Variants in NFATC3 observed in about 807,000 individuals in gnomAD.
The protein encoded by NFATC3 is nuclear factor of activated T-cells, cytoplasmic 3.
In NFATC3, 46 loss-of-function variants were observed where a neutral mutation model predicts 98.6. The observed-to-expected ratio is 0.47, with a 90% CI of 0.37 to 0.60. NFATC3 has a LOEUF of 0.60. NFATC3 is among the 20% of genes least tolerant of loss of function. The pLI is 0.00. For synonymous variants in NFATC3, 512 were observed against 472.2 expected, an observed-to-expected ratio of 1.08 and a Z score of -1.09; for missense variants, 1,256 against 1,295.5, an observed-to-expected ratio of 0.97 and a Z score of 0.47.
chr16:68,085,663 A>C lies in NFATC3; in HGVS notation c.-19A>C. On this transcript the variant is annotated 5_prime_UTR_variant, in exon 1 of 10. Transcript: ENST00000346183. ...CCGCCGCCGCCTGAGGAGGAGCTGC[A>C]GCACCCTGGGCCACGCCGATGACTA... The C allele has an allele frequency of 6.7e-7, 1 of 1,500,490 alleles. No individual in the cohort carries two copies. The highest frequency in any genetic ancestry group is 2.9e-5 in the East Asian group (1 of 34,594). 92.9% of individuals were successfully genotyped at this position (1,500,490 alleles called of 1,614,324 possible).
In NFATC3 at chr16:68,124,669, G is replaced by A. The variant is rs1343043652; in HGVS notation, c.1238+1548G>A. Reference sequence around the variant, plus strand: ...AGGATGGTCTCCATCTCCTGACCTCGTGATCCTCCCACCTCGGCCTCCCAA... The same window carrying A: ...AGGATGGTCTCCATCTCCTGACCTCATGATCCTCCCACCTCGGCCTCCCAA... On this transcript the variant is annotated intron_variant, in intron 2 of 9. Coordinates refer to ENST00000346183, the MANE Select transcript of NFATC3 (RefSeq NM_173165.3). 4.0e-5 allele frequency among the ~76,000 whole-genome samples: 6 copies of A among 151,604 alleles called. No homozygotes were observed. The East Asian group carries it at 5.8e-4, about 15-fold the overall frequency.
intron 9 of NFATC3, among the ~76,000 whole-genome samples, chr16:68,217,025 G>T (rs192123297): frequency 3.9e-4 from 60 of 152,252 alleles, no homozygotes; most frequent in Non-Finnish European, 7.5e-4. Context: ...AATCGTGCAT[G>T]TATTTTTAAT....
intron 9 of NFATC3, among the ~76,000 whole-genome samples, chr16:68,222,289 C>CAAAAAAAAAAAAAA (rs58981935): frequency 3.8e-4 from 10 of 26,416 alleles, no homozygotes; most frequent in Admixed American, 1.1e-3. Flanking sequence ...ACCCCATTGC[C>CAAAAAAAAAAAAAA]AAAAAAAAAA....
At chr16:68,095,152 G>A (rs1052936175) in intron 1 of NFATC3, among the ~76,000 whole-genome samples, 1 of 151,974 alleles carries the variant, frequency 6.6e-6, no homozygotes, top group Non-Finnish European at 1.5e-5. Context: ...CAAAAGAATT[G>A]TCTGTGCTTA....
chr16:68,180,607 T>C (rs1295536844), intron 6 of NFATC3, among the ~76,000 whole-genome samples: 1 of 152,162 alleles, frequency 6.6e-6, no homozygotes, highest in Non-Finnish European at 1.5e-5. Context: ...CCCATTAACT[T>C]GTCGTTTACA....
chr16:68,088,931 G>A (rs1453445909), intron 1 of NFATC3: 1 of 978,986 alleles, frequency 1.0e-6, no homozygotes, highest in African/African-American at 1.8e-5. Context: ...CCAAAATGCT[G>A]GGATTACAGG....
intron 1 of NFATC3, among the ~76,000 whole-genome samples, chr16:68,093,454 T>C (rs1276501404): frequency 6.6e-6 from 1 of 152,186 alleles, no homozygotes; most frequent in Admixed American, 6.5e-5. Flanking sequence ...CCTTTGGTCT[T>C]CTCCAGTAAG....
intron 1 of NFATC3, among the ~76,000 whole-genome samples, chr16:68,088,420 A>G (rs2034510967): frequency 6.8e-6 from 1 of 146,192 alleles, no homozygotes; most frequent in African/African-American, 2.5e-5. Flanking sequence ...TATTATATAC[A>G]TTATATACTC....
At chr16:68,184,528 C>T (rs531702179) in intron 8 of NFATC3, among the ~76,000 whole-genome samples, 83 of 152,176 alleles carry the variant, frequency 5.5e-4, no homozygotes, top group African/African-American at 1.8e-3. Context: ...GTAGGCCGGG[C>T]GCTGTGGCTC....
At chr16:68,111,656 C>T (rs1316843104) in intron 1 of NFATC3, among the ~76,000 whole-genome samples, 2 of 152,120 alleles carry the variant, frequency 1.3e-5, no homozygotes, top group African/African-American at 4.8e-5. Flanking sequence ...TGAATTTGGT[C>T]CTGTCATCAT....
chr16:68,179,117 C>G (rs545147646), intron 6 of NFATC3, among the ~76,000 whole-genome samples: 41 of 152,172 alleles, frequency 2.7e-4, no homozygotes, highest in African/African-American at 8.9e-4. Flanking sequence ...CTATAATTAC[C>G]CTTTCCTCAT....
At chr16:68,153,203 C>A (rs868484515) in intron 3 of NFATC3, among the ~76,000 whole-genome samples, 7 of 152,204 alleles carry the variant, frequency 4.6e-5, no homozygotes, top group African/African-American at 1.7e-4. Flanking sequence ...GGTGGATCAC[C>A]TGAGGCCAGA....
chr16:68,153,688 A>G (rs2038460457), intron 3 of NFATC3, among the ~76,000 whole-genome samples: 1 of 152,020 alleles, frequency 6.6e-6, no homozygotes. Flanking sequence ...ATCTCAGCTC[A>G]CTGCAAGCTC....
intron 3 of NFATC3, among the ~76,000 whole-genome samples, chr16:68,149,665 G>A (rs1414816654): frequency 6.6e-6 from 1 of 152,198 alleles, no homozygotes; most frequent in African/African-American, 2.4e-5. Context: ...ACAGTGAAAA[G>A]GGTTACAAAT....
At chr16:68,135,184 C>T (rs928057458) in intron 3 of NFATC3, among the ~76,000 whole-genome samples, 6 of 151,992 alleles carry the variant, frequency 3.9e-5, no homozygotes, top group Non-Finnish European at 7.4e-5. Context: ...TGTGGCCGGG[C>T]GCGGTGGCTC....
At chr16:68,156,326 A>G (rs1206392024) in intron 3 of NFATC3, among the ~76,000 whole-genome samples, 2 of 152,244 alleles carry the variant, frequency 1.3e-5, no homozygotes, top group East Asian at 3.9e-4. Flanking sequence ...AAAAACAACA[A>G]CAACAACAAA....
intron 9 of NFATC3, among the ~76,000 whole-genome samples, chr16:68,204,059 A>C (rs1418258245): frequency 6.6e-6 from 1 of 152,156 alleles, no homozygotes; most frequent in Non-Finnish European, 1.5e-5. Flanking sequence ...GTGGTGGCAC[A>C]CATCTGTAAT....
intron 1 of NFATC3, among the ~76,000 whole-genome samples, chr16:68,090,633 C>T (rs2034660818): frequency 6.6e-6 from 1 of 152,090 alleles, no homozygotes; most frequent in Non-Finnish European, 1.5e-5. Flanking sequence ...TATTTTTCCA[C>T]TTTCTTGAAT....
intron 9 of NFATC3, among the ~76,000 whole-genome samples, chr16:68,222,940 T>G (rs2041921391): frequency 2.0e-5 from 3 of 152,212 alleles, no homozygotes; most frequent in Admixed American, 2.0e-4. Context: ...ACACTCTTCC[T>G]TATATTTTTT....
Sources: gnomAD v4.1 joint callset for allele counts (sites outside exome capture counted in the v4.1 genomes callset) on GRCh38, gnomAD v4.1.1 for gene constraint, MANE v1.5 for transcripts, NCBI Gene and HGNC (gene_info 2026-07-23, HGNC 2026-07-21) for gene names.